The following ZMAT4 variants were observed in gnomAD, a reference collection of about 807,000 sequenced individuals.
ZMAT4 encodes zinc finger matrin-type protein 4.
A neutral mutation model predicts 28.7 loss-of-function variants in ZMAT4; 17 were observed. The observed-to-expected ratio is 0.59, with a 90% confidence interval of 0.41 to 0.89. The LOEUF (loss-of-function observed/expected upper bound fraction) is 0.89, where lower values mean the gene tolerates loss of function less well. Ranked by LOEUF, ZMAT4 falls within the 40% of genes least tolerant of loss-of-function variation. The probability of loss-of-function intolerance (pLI) is 0.00; values close to 1 mark genes in which losing one functional copy is unlikely to be tolerated. For missense variants in ZMAT4, 240 were observed against 283.8 expected (o/e 0.85, Z 1.11); for synonymous variants, 117 against 109.2 (o/e 1.07, Z -0.44).
At chr8:40,847,030 A>C (rs750271357) in intron 1 of ZMAT4, among the ~76,000 whole-genome samples, 7 of 152,030 alleles carry the variant, frequency 4.6e-5, no homozygotes, top group Non-Finnish European at 7.4e-5. Context: ...AACATGGTGA[A>C]ATCCCATCTC....
intron 3 of ZMAT4, among the ~76,000 whole-genome samples, chr8:40,746,525 A>G (rs1265643478): frequency 6.6e-6 from 1 of 151,410 alleles, no homozygotes; most frequent in Admixed American, 6.6e-5. Flanking sequence ...CACCACACCC[A>G]GTTAATTTTT....
intron 6 of ZMAT4, among the ~76,000 whole-genome samples, chr8:40,537,737 A>T (rs946740950): frequency 6.6e-6 from 1 of 152,198 alleles, no homozygotes; most frequent in African/African-American, 2.4e-5. Flanking sequence ...GCCAGAAGGG[A>T]TCCCAGAGAT....
chr8:40,758,634 A>T (rs1330377929), intron 3 of ZMAT4, among the ~76,000 whole-genome samples: 1 of 152,220 alleles, frequency 6.6e-6, no homozygotes, highest in Non-Finnish European at 1.5e-5. Context: ...ATTACTTATT[A>T]TGAAAAAAAT....
chr8:40,841,161 G>A (rs1816688797), intron 1 of ZMAT4, among the ~76,000 whole-genome samples: 2 of 152,192 alleles, frequency 1.3e-5, no homozygotes, highest in Admixed American at 1.3e-4. Context: ...AGGGTGAAAC[G>A]TAGTAGAGTC....
At chr8:40,878,709 A>G (rs1036469103) in intron 1 of ZMAT4, among the ~76,000 whole-genome samples, 1 of 152,172 alleles carries the variant, frequency 6.6e-6, no homozygotes, top group Non-Finnish European at 1.5e-5. Flanking sequence ...TTTCCTTCCC[A>G]TGGCACCGTT....
chr8:40,551,304 G>A (rs1197330335), intron 6 of ZMAT4, among the ~76,000 whole-genome samples: 1 of 152,102 alleles, frequency 6.6e-6, no homozygotes, highest in African/African-American at 2.4e-5. Context: ...AAAAACATAA[G>A]GGCAAAAGAG....
chr8:40,767,656 C>T lies in ZMAT4; in HGVS notation c.177G>A (p.Arg59=). The T allele has an allele frequency of 6.2e-7, 1 of 1,612,718 alleles. No homozygotes were observed. The highest frequency in any genetic ancestry group is 8.5e-7 in the Non-Finnish European group (1 of 1,179,534). The change falls in exon 3 of 7, where the codon AGG becomes AGA. Residue 59 remains arginine, a synonymous_variant. Coordinates refer to ENST00000297737, the MANE Select transcript of ZMAT4 (RefSeq NM_024645.3). ...HPRDGGCPAK[R]LRSENGSDAD... is the part of the protein sequence containing the mutation. ...AGATACTCACATTTTCTGACCGGAG[C>T]CTCTTGGCAGGACACCCTCCATCCC...
At chr8:40,739,135 G>A (rs1198694562) in intron 3 of ZMAT4, among the ~76,000 whole-genome samples, 1 of 152,126 alleles carries the variant, frequency 6.6e-6, no homozygotes, top group African/African-American at 2.4e-5. Flanking sequence ...CATTTAATGT[G>A]GAACGTGGGT....
intron 2 of ZMAT4, among the ~76,000 whole-genome samples, chr8:40,782,400 A>C (rs184622626): frequency 0.025 from 3,738 of 152,006 alleles, 76 homozygotes; most frequent in Non-Finnish European, 0.037. Context: ...CAAGCAAACA[A>C]ACAAACAAAC....
intron 3 of ZMAT4, among the ~76,000 whole-genome samples, chr8:40,750,845 A>G (rs1812426320): frequency 6.6e-6 from 1 of 152,260 alleles, no homozygotes; most frequent in Non-Finnish European, 1.5e-5. Context: ...ACCTTGCAGA[A>G]CTGAAGTTAG....
chr8:40,625,664 T>A (rs1563372653), intron 5 of ZMAT4, among the ~76,000 whole-genome samples: 1 of 151,898 alleles, frequency 6.6e-6, no homozygotes, highest in Admixed American at 6.6e-5. Context: ...CTGGGAGAGA[T>A]GGGGAGGAGA....
chr8:40,603,814 TA>T (rs1454228004), intron 5 of ZMAT4, among the ~76,000 whole-genome samples: 1 of 152,046 alleles, frequency 6.6e-6, no homozygotes, highest in Non-Finnish European at 1.5e-5. Context: ...GTATTTTTAG[TA>T]GAGATGGGGT....
chr8:40,715,554 T>G (rs1413657745), intron 3 of ZMAT4, among the ~76,000 whole-genome samples: 4 of 152,218 alleles, frequency 2.6e-5, no homozygotes, highest in Non-Finnish European at 5.9e-5. Flanking sequence ...CATTCCACAG[T>G]AGGTGATACT....
chr8:40,746,403 G>A (rs541549832), intron 3 of ZMAT4, among the ~76,000 whole-genome samples: 3 of 118,966 alleles, frequency 2.5e-5, no homozygotes, highest in African/African-American at 9.6e-5. Flanking sequence ...TCGCTCTCTT[G>A]CCGAGGCTGG....
chr8:40,719,638 C>G (rs1810998491), intron 3 of ZMAT4, among the ~76,000 whole-genome samples: 1 of 151,806 alleles, frequency 6.6e-6, no homozygotes. Context: ...GGTGCAATCT[C>G]AACTCACTGC....
intron 2 of ZMAT4, among the ~76,000 whole-genome samples, chr8:40,769,621 T>C (rs1471695458): frequency 6.6e-6 from 1 of 152,146 alleles, no homozygotes; most frequent in Non-Finnish European, 1.5e-5. Context: ...GTGGGAACAA[T>C]GTGAGCTCAA....
chr8:40,622,639 G>C (rs1806241245), intron 5 of ZMAT4, among the ~76,000 whole-genome samples: 1 of 152,212 alleles, frequency 6.6e-6, no homozygotes, highest in Non-Finnish European at 1.5e-5. Flanking sequence ...TCTGCAGGCT[G>C]TGCAAGAACC....
At chr8:40,801,351 A>AAATATATATATATATATATATATAT (rs370796453) in intron 2 of ZMAT4, among the ~76,000 whole-genome samples, 8 of 97,252 alleles carry the variant, frequency 8.2e-5, no homozygotes, top group African/African-American at 2.6e-4. Flanking sequence ...TAAAAAAAAA[A>AAATATATATATATATATATATATAT]ATATATATAT....
chr8:40,720,984 GTTTT>G (rs745525715), intron 3 of ZMAT4, among the ~76,000 whole-genome samples: 7 of 142,014 alleles, frequency 4.9e-5, no homozygotes, highest in African/African-American at 7.7e-5. Context: ...TTGTTTGTTT[GTTTT>G]TTATTATACT....
Sources: gnomAD v4.1 joint callset for allele counts (sites outside exome capture counted in the v4.1 genomes callset) on GRCh38, gnomAD v4.1.1 for gene constraint, MANE v1.5 for transcripts, NCBI Gene and HGNC (gene_info 2026-07-23, HGNC 2026-07-21) for gene names.